Variants in ALK observed in about 807,000 individuals in gnomAD.
ALK encodes ALK tyrosine kinase receptor.
Under a neutral mutation model 163.1 loss-of-function variants are expected in ALK, and 74 were observed. That is an observed-to-expected ratio of 0.45 (90% CI 0.38 to 0.55). The LOEUF is 0.55. Among genes scored for constraint, ALK ranks in the 20% least tolerant of loss-of-function variants. The probability of loss-of-function intolerance (pLI) is 0.00; values close to 1 mark genes in which losing one functional copy is unlikely to be tolerated. For synonymous variants in ALK, 960 were observed against 843.2 expected, an observed-to-expected ratio of 1.14 and a Z score of -2.40; for missense variants, 2,063 against 2,105.3, an observed-to-expected ratio of 0.98 and a Z score of 0.39.
intron 3 of ALK, among the ~76,000 whole-genome samples, chr2:29,636,086 T>G (rs1467638982): frequency 1.3e-5 from 2 of 152,168 alleles, no homozygotes; most frequent in African/African-American, 4.8e-5. Context: ...AAAAGAAGAA[T>G]AAAGTGGGAA....
chr2:29,733,925 C>T (rs1328955621), intron 1 of ALK, among the ~76,000 whole-genome samples: 1 of 152,156 alleles, frequency 6.6e-6, no homozygotes, highest in East Asian at 1.9e-4. Flanking sequence ...CCTGTAGATC[C>T]TGGCAGACCA....
chr2:29,606,998 C>T (rs1183464576), intron 3 of ALK, among the ~76,000 whole-genome samples: 1 of 152,202 alleles, frequency 6.6e-6, no homozygotes, highest in Non-Finnish European at 1.5e-5. Flanking sequence ...TTTTTTAACT[C>T]AGCAGTCCTT....
At chr2:29,810,109 T>C (rs899942407) in intron 1 of ALK, among the ~76,000 whole-genome samples, 3 of 152,136 alleles carry the variant, frequency 2.0e-5, no homozygotes, top group Non-Finnish European at 4.4e-5. Flanking sequence ...TTAATTGAGA[T>C]ACCATAATTT....
chr2:29,216,219 G>T (rs1321826348), intron 23 of ALK, among the ~76,000 whole-genome samples: 1 of 152,172 alleles, frequency 6.6e-6, no homozygotes, highest in African/African-American at 2.4e-5. Context: ...TCTTCTCATG[G>T]CCATGGTCGT....
chr2:29,385,917 A>G (rs1669020838), intron 4 of ALK, among the ~76,000 whole-genome samples: 1 of 152,224 alleles, frequency 6.6e-6, no homozygotes, highest in South Asian at 2.1e-4. Flanking sequence ...CCTAAGGACA[A>G]ATTCTTAGAA....
rs186885264 is a variant in ALK at position 29,567,688 on chromosome 2, C to T, written c.953-35572G>A. ...ACCATTCCCAAGGTGCGTCTGGCCACGTTTCCACTCTCCAAGAGAAGAAAA... is the reference window on the plus strand; with the variant it reads ...ACCATTCCCAAGGTGCGTCTGGCCATGTTTCCACTCTCCAAGAGAAGAAAA... On this transcript the variant is annotated intron_variant, in intron 3 of 28. Transcript: ENST00000389048. Among the ~76,000 whole-genome samples, 52 of 152,170 alleles carry T rather than the reference C, an allele frequency of 3.4e-4. No individual in the cohort carries two copies. In the East Asian group the frequency reaches 6.8e-3, roughly 20 times the overall value.
chr2:29,659,139 G>T (rs1055298115), intron 3 of ALK, among the ~76,000 whole-genome samples: 2 of 152,078 alleles, frequency 1.3e-5, no homozygotes, highest in African/African-American at 4.8e-5. Flanking sequence ...GCCTCTCCCA[G>T]AACTAATATT....
rs2148178733 is a variant in ALK at position 29,227,073 on chromosome 2, C to T, written c.2916G>A (p.Val972=). 6.2e-7 allele frequency: 1 copy of T among 1,614,134 alleles called. No individual in the cohort carries two copies. Among genetic ancestry groups the T allele is most frequent in the African/African-American group, 1.3e-5 (1 of 75,038 alleles). The change falls in exon 18 of 29, where the codon GTG becomes GTA. Residue 972 remains valine (V), a splice_region_variant and synonymous_variant. Coordinates refer to ENST00000389048, the MANE Select transcript of ALK (RefSeq NM_004304.5). This position sits in a 1 kb window ranked among gnomAD's most constrained non-coding sequence, Gnocchi z 4.4. ...TATTCACTTCCCCGTGGCCTTCCATCACTAGTGACAAGGAGGGAGGGTCAG... is the reference window on the plus strand; with the variant it reads ...TATTCACTTCCCCGTGGCCTTCCATTACTAGTGACAAGGAGGGAGGGTCAG... ...LGILYTPALK[V]MEGHGEVNIK...
intron 3 of ALK, among the ~76,000 whole-genome samples, chr2:29,689,554 C>G (rs1347475126): frequency 2.0e-5 from 3 of 152,146 alleles, no homozygotes; most frequent in African/African-American, 7.2e-5. Flanking sequence ...TCTAATCAGA[C>G]TTCCTGAAGG....
intron 1 of ALK, among the ~76,000 whole-genome samples, chr2:29,737,381 T>C (rs1444520842): frequency 1.3e-5 from 2 of 152,272 alleles, no homozygotes; most frequent in East Asian, 1.9e-4. Flanking sequence ...AAGTATAGAA[T>C]GTGTTCTGGA....
intron 3 of ALK, among the ~76,000 whole-genome samples, chr2:29,671,214 C>T (rs1250641762): frequency 6.6e-6 from 1 of 151,966 alleles, no homozygotes; most frequent in Admixed American, 6.6e-5. Context: ...GCACGTGAAG[C>T]CCAGGTTCAC....
intron 1 of ALK, among the ~76,000 whole-genome samples, chr2:29,724,710 T>C (rs1296589248): frequency 2.6e-5 from 4 of 152,206 alleles, no homozygotes; most frequent in Non-Finnish European, 5.9e-5. Flanking sequence ...GCTAAGGTCC[T>C]CTCTGGTTCA....
chr2:29,256,169 C>A (rs1467494618), intron 11 of ALK, among the ~76,000 whole-genome samples: 1 of 152,164 alleles, frequency 6.6e-6, no homozygotes, highest in Non-Finnish European at 1.5e-5. Context: ...AGAGTGGTTC[C>A]AGGGGACAGG....
intron 1 of ALK, among the ~76,000 whole-genome samples, chr2:29,753,772 G>C (rs1680439430): frequency 6.6e-6 from 1 of 152,162 alleles, no homozygotes; most frequent in Admixed American, 6.5e-5. Flanking sequence ...GAATGCCCTT[G>C]ACAGACTCCA....
chr2:29,826,205 C>T (rs1011076533), intron 1 of ALK, among the ~76,000 whole-genome samples: 2 of 152,090 alleles, frequency 1.3e-5, no homozygotes, highest in African/African-American at 4.8e-5. Flanking sequence ...AAGCCAGCCT[C>T]TCCATATGGG....
At chr2:29,726,322 TA>T (rs1204180082) in intron 1 of ALK, among the ~76,000 whole-genome samples, 1 of 152,178 alleles carries the variant, frequency 6.6e-6, no homozygotes, top group East Asian at 1.9e-4. Context: ...ACTAGAATAA[TA>T]ATCAAAAGGA....
rs185122871 is a variant in ALK at position 29,821,984 on chromosome 2, C to G, written c.667+98009G>C. ...GAAAGGAAAGGGACCTCAGGAAGCTCTCTCAGGCCCTGTATGCTTAGCTTC... is the reference window on the plus strand; with the variant it reads ...GAAAGGAAAGGGACCTCAGGAAGCTGTCTCAGGCCCTGTATGCTTAGCTTC... On this transcript the variant is annotated intron_variant, in intron 1 of 28. Coordinates refer to ENST00000389048, the MANE Select transcript of ALK (RefSeq NM_004304.5). 5.6e-4 allele frequency among the ~76,000 whole-genome samples: 86 copies of G among 152,322 alleles called. 2 individuals carry two copies. In the East Asian group the frequency reaches 7.7e-3, roughly 14 times the overall value.
At chr2:29,536,872 C>G (rs771165809) in intron 3 of ALK, among the ~76,000 whole-genome samples, 1 of 152,208 alleles carries the variant, frequency 6.6e-6, no homozygotes, top group South Asian at 2.1e-4. Flanking sequence ...AATAATTGGG[C>G]TGCATTCATG....
At chr2:29,880,405 C>T (rs72794321) in intron 1 of ALK, among the ~76,000 whole-genome samples, 9,629 of 152,206 alleles carry the variant, frequency 0.063, 438 homozygotes, top group East Asian at 0.14. Flanking sequence ...GGCTGAGTTG[C>T]TGAGTAACCT....
Sources: allele counts gnomAD v4.1 joint callset (sites outside exome capture counted in the v4.1 genomes callset), GRCh38; gene constraint gnomAD v4.1.1; non-coding constraint Gnocchi (gnomAD v3.1); transcripts MANE v1.5; gene names NCBI Gene and HGNC (gene_info 2026-07-23, HGNC 2026-07-21).